NAALADL2: variants seen among roughly 807,000 people sequenced by gnomAD.
NAALADL2 encodes inactive N-acetylated-alpha-linked acidic dipeptidase-like protein 2.
A neutral mutation model predicts 87.2 loss-of-function variants in NAALADL2; 76 were observed. The observed-to-expected ratio is 0.87, with a 90% confidence interval of 0.72 to 1.05. NAALADL2 has a LOEUF of 1.05. NAALADL2 is among the 50% of genes least tolerant of loss of function. NAALADL2 has a pLI of 0.00. For synonymous variants in NAALADL2, 354 were observed against 331.0 expected (o/e 1.07, Z -0.75); for missense variants, 1,089 against 945.8 (o/e 1.15, Z -1.99).
chr3:175,301,039 G>A (rs1028049518), intron 4 of NAALADL2, among the ~76,000 whole-genome samples: 3 of 152,100 alleles, frequency 2.0e-5, no homozygotes, highest in South Asian at 4.1e-4. Context: ...ACAGGCGTGA[G>A]CCACCACACC....
At chr3:175,180,090 G>A (rs1039640922) in intron 2 of NAALADL2, among the ~76,000 whole-genome samples, 1 of 151,838 alleles carries the variant, frequency 6.6e-6, no homozygotes, top group African/African-American at 2.4e-5. Context: ...AAAGGTAGTT[G>A]TAACCAAAAA....
intron 11 of NAALADL2, among the ~76,000 whole-genome samples, chr3:175,707,100 A>G (rs1023255640): frequency 6.6e-6 from 1 of 152,128 alleles, no homozygotes. Flanking sequence ...AATTTTTATT[A>G]TTAATAATAA....
chr3:174,825,712 G>A (rs912552014), intron 3 of NAALADL2, among the ~76,000 whole-genome samples: 2 of 152,120 alleles, frequency 1.3e-5, no homozygotes. Flanking sequence ...AATTTTCGCT[G>A]TTTAATTGTT....
intron 1 of NAALADL2, among the ~76,000 whole-genome samples, chr3:174,463,369 A>G (rs1716326174): frequency 6.6e-6 from 1 of 152,194 alleles, no homozygotes; most frequent in Non-Finnish European, 1.5e-5. Flanking sequence ...TAACATCTAC[A>G]TGAGAAGGAC....
At chr3:175,408,637 G>A (rs1344717553) in intron 5 of NAALADL2, among the ~76,000 whole-genome samples, 2 of 151,946 alleles carry the variant, frequency 1.3e-5, no homozygotes, top group African/African-American at 4.8e-5. Context: ...GCGATGATGT[G>A]TTTTGAATAA....
intron 2 of NAALADL2, among the ~76,000 whole-genome samples, chr3:175,143,598 A>G (rs1016298230): frequency 2.6e-5 from 4 of 151,700 alleles, no homozygotes; most frequent in African/African-American, 9.6e-5. Context: ...CACATTTAAA[A>G]GTCACCTTTG....
chr3:175,133,602 A>G (rs1728596946), intron 2 of NAALADL2, among the ~76,000 whole-genome samples: 1 of 152,194 alleles, frequency 6.6e-6, no homozygotes, highest in Admixed American at 6.5e-5. Context: ...CGCGCCTGCA[A>G]TCGCAGGCAC....
intron 5 of NAALADL2, among the ~76,000 whole-genome samples, chr3:175,404,739 G>A (rs1020420935): frequency 2.6e-5 from 4 of 152,034 alleles, no homozygotes; most frequent in African/African-American, 4.8e-5. Context: ...GTTCTAAATG[G>A]AATTTCATTA....
At chr3:175,721,783 A>G (rs1325532142) in intron 11 of NAALADL2, among the ~76,000 whole-genome samples, 3 of 152,074 alleles carry the variant, frequency 2.0e-5, no homozygotes, top group East Asian at 3.9e-4. Context: ...GAGGTGGGGT[A>G]ACTACATAAG....
intron 2 of NAALADL2, among the ~76,000 whole-genome samples, chr3:175,172,813 A>G (rs1735048697): frequency 6.6e-6 from 1 of 152,120 alleles, no homozygotes; most frequent in Non-Finnish European, 1.5e-5. Flanking sequence ...GGAGGCGAAA[A>G]TGTCTCCTGA....
chr3:175,288,298 A>T (rs745822611), intron 4 of NAALADL2, among the ~76,000 whole-genome samples: 1 of 152,102 alleles, frequency 6.6e-6, no homozygotes, highest in Non-Finnish European at 1.5e-5. Flanking sequence ...CCTTCAATTG[A>T]TTGGAAAAGG....
chr3:175,695,440 A>G (rs1737639690), intron 11 of NAALADL2, among the ~76,000 whole-genome samples: 1 of 152,194 alleles, frequency 6.6e-6, no homozygotes, highest in Non-Finnish European at 1.5e-5. Context: ...TTCTGTTGCT[A>G]AAGTTTATTT....
chr3:175,715,499 A>C (rs1223179369), intron 11 of NAALADL2, among the ~76,000 whole-genome samples: 1 of 152,168 alleles, frequency 6.6e-6, no homozygotes, highest in Non-Finnish European at 1.5e-5. Context: ...AGATGTCTTT[A>C]TTATTTCTCC....
chr3:175,169,906 T>G (rs1389831134), intron 2 of NAALADL2, among the ~76,000 whole-genome samples: 1 of 151,870 alleles, frequency 6.6e-6, no homozygotes, highest in Non-Finnish European at 1.5e-5. Flanking sequence ...TTAAACTCAC[T>G]GGTTGAGAAT....
At chr3:175,170,054 T>C (rs1384423516) in intron 2 of NAALADL2, among the ~76,000 whole-genome samples, 1 of 151,856 alleles carries the variant, frequency 6.6e-6, no homozygotes, top group Non-Finnish European at 1.5e-5. Context: ...TTAACTCCAT[T>C]TAGATTTCAT....
At chr3:174,489,924 A>C (rs147956824) in intron 1 of NAALADL2, among the ~76,000 whole-genome samples, 2 of 152,254 alleles carry the variant, frequency 1.3e-5, no homozygotes, top group African/African-American at 4.8e-5. Flanking sequence ...GAAGTTGTAG[A>C]GAAATGGGAA....
intron 1 of NAALADL2, among the ~76,000 whole-genome samples, chr3:174,460,639 C>G (rs1246285084): frequency 6.7e-6 from 1 of 149,970 alleles, no homozygotes; most frequent in Non-Finnish European, 1.5e-5. Flanking sequence ...TGGTAATATT[C>G]TGCTTTTTCA....
At position 175,803,396 on chromosome 3, in the gene NAALADL2, T is replaced by A; in HGVS notation, c.*193T>A. ...GCACATTTAATATTTTTCTTATATC[T>A]ACATTTCTGAATATGTAAAGCAAGT... On this transcript the variant is annotated 3_prime_UTR_variant, in exon 14 of 14. Transcript: ENST00000454872. 2.5e-6 allele frequency: 1 copy of A among 395,484 alleles called. No individual in the cohort carries two copies. Among genetic ancestry groups the A allele is most frequent in the Non-Finnish European group, 4.5e-6 (1 of 222,804 alleles). The allele number at this position is 395,484 out of a possible 1,614,324, so 24.5% of individuals were successfully genotyped here. A position where few individuals can be genotyped will look rare whatever the true frequency, so the allele number is the denominator to read the frequency against.
chr3:175,712,035 T>C (rs1740603280), intron 11 of NAALADL2, among the ~76,000 whole-genome samples: 1 of 151,972 alleles, frequency 6.6e-6, no homozygotes, highest in African/African-American at 2.4e-5. Context: ...TATGATATGA[T>C]CTATTTGTCA....
Sources: gnomAD v4.1 joint callset for allele counts (sites outside exome capture counted in the v4.1 genomes callset) on GRCh38, gnomAD v4.1.1 for gene constraint, MANE v1.5 for transcripts, NCBI Gene and HGNC (gene_info 2026-07-23, HGNC 2026-07-21) for gene names.